UNC5C: variants seen among roughly 807,000 people sequenced by gnomAD.
UNC5C encodes unc-5 netrin receptor C.
A neutral mutation model predicts 99.8 loss-of-function variants in UNC5C; 47 were observed. The observed-to-expected ratio is 0.47, with a 90% CI of 0.37 to 0.60. The LOEUF (loss-of-function observed/expected upper bound fraction) is 0.60, where lower values mean the gene tolerates loss of function less well. Among genes scored for constraint, UNC5C ranks in the 20% least tolerant of loss-of-function variants. The probability of loss-of-function intolerance (pLI) is 0.00; values close to 1 mark genes in which losing one functional copy is unlikely to be tolerated. For synonymous variants in UNC5C, 487 were observed against 452.2 expected (o/e 1.08, Z -0.98); for missense variants, 1,062 against 1,165.9 (o/e 0.91, Z 1.30).
chr4:95,220,198 T>TGAAC (rs1560739042), intron 7 of UNC5C, 22 bp from the exon 8 acceptor site: 1 of 1,596,558 alleles, frequency 6.3e-7, no homozygotes, highest in African/African-American at 1.3e-5. Flanking sequence ...AGTGAAACAT[T>TGAAC]GAACCAGCTG....
At chr4:95,212,969 C>T (rs1207201791) in intron 10 of UNC5C, among the ~76,000 whole-genome samples, 1 of 152,236 alleles carries the variant, frequency 6.6e-6, no homozygotes, top group Non-Finnish European at 1.5e-5. Context: ...CCAGGGCCCA[C>T]CCAGGCACCA....
chr4:95,438,886 C>G (rs142612701), intron 1 of UNC5C, among the ~76,000 whole-genome samples: 86 of 152,256 alleles, frequency 5.6e-4, no homozygotes, highest in Non-Finnish European at 9.6e-4. Flanking sequence ...AAATGAGCCT[C>G]TAGATACCTA....
chr4:95,195,588 A>T (rs1442937042), intron 12 of UNC5C, among the ~76,000 whole-genome samples: 1 of 152,180 alleles, frequency 6.6e-6, no homozygotes, highest in African/African-American at 2.4e-5. Flanking sequence ...GTAAGGTCAC[A>T]GCTTGCCGAG....
chr4:95,483,692 A>T (rs1376053776), intron 1 of UNC5C, among the ~76,000 whole-genome samples: 2 of 151,846 alleles, frequency 1.3e-5, no homozygotes, highest in East Asian at 3.9e-4. Flanking sequence ...CCTCTCCTTG[A>T]TAACATCTCT....
intron 4 of UNC5C, among the ~76,000 whole-genome samples, chr4:95,254,170 C>CT (rs761210533): frequency 2.0e-4 from 30 of 152,080 alleles, no homozygotes; most frequent in African/African-American, 4.1e-4. Context: ...AATTTTGACT[C>CT]TTTTTTTGTT....
chr4:95,501,088 A>G (rs1421416736), intron 1 of UNC5C, among the ~76,000 whole-genome samples: 1 of 152,158 alleles, frequency 6.6e-6, no homozygotes. Context: ...AAGCACTGAA[A>G]GAGATGGAAT....
intron 1 of UNC5C, among the ~76,000 whole-genome samples, chr4:95,459,211 T>G (rs779745632): frequency 5.9e-5 from 9 of 152,186 alleles, no homozygotes; most frequent in Non-Finnish European, 1.3e-4. Context: ...AAATTTCTTT[T>G]CAAATTGCTC....
At position 95,280,956 on chromosome 4, in the gene UNC5C, G is replaced by A. The variant is rs72887741; in HGVS notation, c.491-2594C>T. On this transcript the variant is annotated intron_variant, in intron 3 of 15. Transcript: ENST00000453304. Reference sequence around the variant, plus strand: ...AACATTAAGAATTTTCTCTTCTGATGTGGTGGCTTCTCTTGTTTTTTTGAT... The same window carrying A: ...AACATTAAGAATTTTCTCTTCTGATATGGTGGCTTCTCTTGTTTTTTTGAT... 6.0e-3 allele frequency among the ~76,000 whole-genome samples: 916 copies of A among 152,234 alleles called. 7 individuals carry two copies. The highest frequency in any genetic ancestry group is 0.021 in the African/African-American group (876 of 41,536).
intron 1 of UNC5C, among the ~76,000 whole-genome samples, chr4:95,462,175 C>A (rs900270318): frequency 6.6e-6 from 1 of 152,014 alleles, no homozygotes; most frequent in Admixed American, 6.6e-5. Context: ...TGCTCACTTT[C>A]CCCCCCTTTC....
At chr4:95,185,653 T>TA (rs1347213128) in intron 12 of UNC5C, among the ~76,000 whole-genome samples, 6 of 152,280 alleles carry the variant, frequency 3.9e-5, no homozygotes, top group Non-Finnish European at 8.8e-5. Context: ...TTGGACTTGA[T>TA]AAAACCAAAC....
intron 14 of UNC5C, among the ~76,000 whole-genome samples, chr4:95,171,954 C>G (rs1269498903): frequency 6.6e-6 from 1 of 151,200 alleles, no homozygotes; most frequent in East Asian, 1.9e-4. Flanking sequence ...GATGGTATCT[C>G]ATTGTGGTTT....
intron 1 of UNC5C, among the ~76,000 whole-genome samples, chr4:95,350,400 T>A (rs1743941356): frequency 6.6e-6 from 1 of 151,812 alleles, no homozygotes; most frequent in Non-Finnish European, 1.5e-5. Flanking sequence ...GGCAGGAGAA[T>A]CACTTGAACC....
intron 1 of UNC5C, among the ~76,000 whole-genome samples, chr4:95,505,317 G>A (rs1721887969): frequency 6.6e-6 from 1 of 151,996 alleles, no homozygotes; most frequent in African/African-American, 2.4e-5. Context: ...CTTTATGAGC[G>A]AGCAGTCATG....
intron 1 of UNC5C, among the ~76,000 whole-genome samples, chr4:95,512,286 C>T (rs1453973233): frequency 6.6e-6 from 1 of 152,142 alleles, no homozygotes; most frequent in Non-Finnish European, 1.5e-5. Context: ...CACACAGGCA[C>T]ACCACTCTGA....
At chr4:95,214,555 G>T (rs1182429577) in intron 10 of UNC5C, among the ~76,000 whole-genome samples, 1 of 152,246 alleles carries the variant, frequency 6.6e-6, no homozygotes, top group African/African-American at 2.4e-5. Flanking sequence ...AGTATGGGGA[G>T]AGCAGGCACG....
At chr4:95,431,592 C>G (rs1032046659) in intron 1 of UNC5C, among the ~76,000 whole-genome samples, 8 of 151,870 alleles carry the variant, frequency 5.3e-5, no homozygotes, top group African/African-American at 1.9e-4. Flanking sequence ...GGGAGTAGAA[C>G]CGTCGACATG....
intron 1 of UNC5C, among the ~76,000 whole-genome samples, chr4:95,453,691 C>T (rs1747348573): frequency 6.6e-6 from 1 of 151,940 alleles, no homozygotes; most frequent in Admixed American, 6.6e-5. Context: ...AAAAAGCCCA[C>T]CAGTGATTAC....
At chr4:95,419,678 G>A (rs1174936886) in intron 1 of UNC5C, among the ~76,000 whole-genome samples, 2 of 152,110 alleles carry the variant, frequency 1.3e-5, no homozygotes, top group Non-Finnish European at 2.9e-5. Context: ...TAGTAATGCA[G>A]TCACCACCCC....
At chr4:95,293,641 T>A (rs1344498715) in intron 3 of UNC5C, among the ~76,000 whole-genome samples, 1 of 152,086 alleles carries the variant, frequency 6.6e-6, no homozygotes, top group African/African-American at 2.4e-5. Context: ...ATGTAGAGAA[T>A]AAGATGTTTT....
Sources: allele counts gnomAD v4.1 joint callset (sites outside exome capture counted in the v4.1 genomes callset), GRCh38; gene constraint gnomAD v4.1.1; transcripts MANE v1.5; gene names NCBI Gene and HGNC (gene_info 2026-07-23, HGNC 2026-07-21).